The following IGSF21 variants were observed in gnomAD, a reference collection of about 807,000 sequenced individuals.
IGSF21 encodes immunoglobulin superfamily member 21.
Under a neutral mutation model 46.8 loss-of-function variants are expected in IGSF21, and 28 were observed. That is an observed-to-expected ratio of 0.60 (90% CI 0.44 to 0.82). The LOEUF is 0.82. IGSF21 is among the 40% of genes least tolerant of loss of function. The pLI is 0.00. For synonymous variants in IGSF21, 284 were observed against 273.6 expected (o/e 1.04, Z -0.38); for missense variants, 624 against 665.5 (o/e 0.94, Z 0.69).
chr1:18,326,047 C>G (rs564685662), intron 3 of IGSF21, among the ~76,000 whole-genome samples: 20 of 152,326 alleles, frequency 1.3e-4, no homozygotes, highest in East Asian at 7.7e-4. Flanking sequence ...CATGCCCCCC[C>G]CTTTTTTTTC....
intron 1 of IGSF21, among the ~76,000 whole-genome samples, chr1:18,134,776 A>G (rs2086354028): frequency 6.6e-6 from 1 of 152,192 alleles, no homozygotes; most frequent in South Asian, 2.1e-4. Flanking sequence ...GTCCATGGGC[A>G]GTGAGAGTCC....
At position 18,377,451 on chromosome 1, in the gene IGSF21, AT is replaced by A; in HGVS notation, c.1333+26del. On this transcript the variant is annotated intron_variant, in intron 9 of 9. Transcript: ENST00000251296. ...CTAATGGTAAGTCTCTACCCTCAGG[AT>A]TTTTTGCTTAAAAGGGAGTGGCTTT... 6.2e-7 allele frequency: 1 copy of A among 1,609,376 alleles called. No homozygotes were observed. Among genetic ancestry groups the A allele is most frequent in the Non-Finnish European group, 8.5e-7 (1 of 1,175,746 alleles).
chr1:18,239,271 A>C (rs983587602), intron 2 of IGSF21, among the ~76,000 whole-genome samples: 1 of 152,078 alleles, frequency 6.6e-6, no homozygotes, highest in South Asian at 2.1e-4. Flanking sequence ...AACATGACTG[A>C]AATGAGGGAT....
intron 3 of IGSF21, among the ~76,000 whole-genome samples, chr1:18,323,594 C>T (rs1018387848): frequency 1.3e-5 from 2 of 152,114 alleles, no homozygotes; most frequent in African/African-American, 4.8e-5. Flanking sequence ...ACGTCTATGG[C>T]AGGGGTGGAG....
chr1:18,122,730 C>T (rs2086245830), intron 1 of IGSF21, among the ~76,000 whole-genome samples: 1 of 151,180 alleles, frequency 6.6e-6, no homozygotes, highest in Non-Finnish European at 1.5e-5. Context: ...AAGCAATTCT[C>T]CTGCTTCAGC....
intron 3 of IGSF21, among the ~76,000 whole-genome samples, chr1:18,294,185 A>G (rs1252912510): frequency 6.6e-6 from 1 of 152,136 alleles, no homozygotes; most frequent in Non-Finnish European, 1.5e-5. Context: ...CCCACAGTTG[A>G]GTTTCCTGAC....
chr1:18,227,855 A>C, intron 1 of IGSF21, 43 bp from the exon 2 acceptor site: 1 of 1,468,148 alleles, frequency 6.8e-7, no homozygotes, highest in Non-Finnish European at 9.5e-7. Context: ...AGCCCCTCTG[A>C]TCTGCTCGTG....
intron 1 of IGSF21, chr1:18,112,780 T>A (rs2086154902): frequency 6.6e-6 from 1 of 151,854 alleles, no homozygotes; most frequent in Admixed American, 6.6e-5. Flanking sequence ...GGAGAGGGAG[T>A]GTCCCTGAAA....
intron 1 of IGSF21, among the ~76,000 whole-genome samples, chr1:18,160,771 A>G (rs1214860691): frequency 1.3e-5 from 2 of 152,154 alleles, no homozygotes; most frequent in Non-Finnish European, 2.9e-5. Context: ...CAGTCCCTGC[A>G]CCCGCAGCCA....
intron 1 of IGSF21, among the ~76,000 whole-genome samples, chr1:18,226,580 C>G (rs937687524): frequency 6.6e-6 from 1 of 152,214 alleles, no homozygotes; most frequent in Non-Finnish European, 1.5e-5. Flanking sequence ...ACCCTGGAGG[C>G]TGGGTCCTGA....
intron 1 of IGSF21, among the ~76,000 whole-genome samples, chr1:18,148,202 C>A (rs1474468274): frequency 7.2e-6 from 1 of 138,438 alleles, no homozygotes; most frequent in African/African-American, 2.7e-5. Context: ...GCGATCTCAT[C>A]TCACTGCAAG....
At chr1:18,354,134 C>T (rs2085989507) in intron 4 of IGSF21, among the ~76,000 whole-genome samples, 1 of 152,212 alleles carries the variant, frequency 6.6e-6, no homozygotes, top group Non-Finnish European at 1.5e-5. Context: ...AGGACAGGCT[C>T]TAACCCTGTC....
At chr1:18,126,670 T>C (rs534988570) in intron 1 of IGSF21, among the ~76,000 whole-genome samples, 52 of 152,150 alleles carry the variant, frequency 3.4e-4, no homozygotes, top group Non-Finnish European at 7.3e-4. Flanking sequence ...CCAGCCCAAC[T>C]GGCCTGCCCC....
At chr1:18,182,033 G>A (rs1050803108) in intron 1 of IGSF21, among the ~76,000 whole-genome samples, 17 of 152,114 alleles carry the variant, frequency 1.1e-4, no homozygotes, top group Non-Finnish European at 2.5e-4. Context: ...CCTATGCCAG[G>A]CACCCCCATT....
chr1:18,161,456 A>C (rs1043014190), intron 1 of IGSF21, among the ~76,000 whole-genome samples: 1 of 152,004 alleles, frequency 6.6e-6, no homozygotes, highest in Non-Finnish European at 1.5e-5. Flanking sequence ...TGAGTCCCAG[A>C]ACTCTACCCA....
intron 6 of IGSF21, among the ~76,000 whole-genome samples, chr1:18,372,375 G>T (rs1368921084): frequency 6.6e-6 from 1 of 152,226 alleles, no homozygotes; most frequent in Non-Finnish European, 1.5e-5. Context: ...CAAATTAGGT[G>T]TACAATAAAG....
At chr1:18,354,658 C>T (rs1056593360) in intron 4 of IGSF21, among the ~76,000 whole-genome samples, 1 of 152,032 alleles carries the variant, frequency 6.6e-6, no homozygotes, top group African/African-American at 2.4e-5. Context: ...TGATTACCAC[C>T]CCATGATGAA....
At chr1:18,249,582 G>A (rs531036037) in intron 2 of IGSF21, among the ~76,000 whole-genome samples, 5 of 152,264 alleles carry the variant, frequency 3.3e-5, no homozygotes, top group Admixed American at 6.5e-5. Context: ...TTAGATGGCC[G>A]CCCTGAATGA....
chr1:18,273,408 TC>T (rs1375225876), intron 2 of IGSF21, among the ~76,000 whole-genome samples: 11 of 147,690 alleles, frequency 7.4e-5, no homozygotes, highest in African/African-American at 2.5e-4. Context: ...TCCTTTCCTT[TC>T]CTTTCTTTTC....
Sources: gnomAD v4.1 joint callset for allele counts (sites outside exome capture counted in the v4.1 genomes callset) on GRCh38, gnomAD v4.1.1 for gene constraint, MANE v1.5 for transcripts, NCBI Gene and HGNC (gene_info 2026-07-23, HGNC 2026-07-21) for gene names.